GRM7: variants seen among roughly 807,000 people sequenced by gnomAD.
The protein encoded by GRM7 is glutamate metabotropic receptor 7.
In GRM7, 35 loss-of-function variants were observed where a neutral mutation model predicts 84.5. That is an observed-to-expected ratio of 0.41 (90% CI 0.32 to 0.55). The LOEUF is 0.55. Among genes scored for constraint, GRM7 ranks in the 20% least tolerant of loss-of-function variants. The probability of loss-of-function intolerance (pLI) is 0.19; values close to 1 mark genes in which losing one functional copy is unlikely to be tolerated. For synonymous variants in GRM7, 487 were observed against 455.1 expected, an observed-to-expected ratio of 1.07 and a Z score of -0.89; for missense variants, 1,003 against 1,194.6, an observed-to-expected ratio of 0.84 and a Z score of 2.36.
intron 9 of GRM7, among the ~76,000 whole-genome samples, chr3:7,689,126 G>A (rs746987702): frequency 3.3e-5 from 5 of 152,146 alleles, no homozygotes; most frequent in Admixed American, 1.3e-4. Context: ...TTTGTTAGGA[G>A]GTAAATTTTC....
chr3:7,534,866 A>G (rs1049773882), intron 7 of GRM7, among the ~76,000 whole-genome samples: 3 of 152,122 alleles, frequency 2.0e-5, no homozygotes, highest in African/African-American at 7.2e-5. Context: ...GCTATTAAGG[A>G]AATGCATTTT....
At position 6,950,163 on chromosome 3, in the gene GRM7, G is replaced by T. The variant is rs538705246; in HGVS notation, c.519+88256G>T. Among the ~76,000 whole-genome samples the T allele has an allele frequency of 3.3e-5, 5 of 152,214 alleles. No individual in the cohort carries two copies. In the South Asian group the frequency reaches 1.0e-3, roughly 32 times the overall value. ...TTAGAGTTTCCAGTTTTTCTGCTCT[G>T]TTTTTTCCCCATCTTTGTGGTTTTT... On this transcript the variant is annotated intron_variant, in intron 1 of 9. Transcript: ENST00000357716.
At chr3:7,551,584 AAATATAACATATT>A (rs1172031392) in intron 7 of GRM7, among the ~76,000 whole-genome samples, 1 of 150,480 alleles carries the variant, frequency 6.6e-6, no homozygotes, top group Non-Finnish European at 1.5e-5. Flanking sequence ...TTGTTGTAAT[AAATATAACATATT>A]AATATATAAA....
chr3:7,365,425 A>G (rs1175690014), intron 4 of GRM7, among the ~76,000 whole-genome samples: 2 of 151,546 alleles, frequency 1.3e-5, no homozygotes, highest in South Asian at 4.1e-4. Context: ...TCTGTTTACC[A>G]CTTTGTGCTA....
intron 7 of GRM7, among the ~76,000 whole-genome samples, chr3:7,556,199 C>G (rs1403508175): frequency 6.6e-6 from 1 of 152,050 alleles, no homozygotes; most frequent in Non-Finnish European, 1.5e-5. Context: ...CTCTCTTGGG[C>G]CTTTTGTAAT....
chr3:7,011,694 C>A (rs559820402), intron 1 of GRM7, among the ~76,000 whole-genome samples: 1 of 152,210 alleles, frequency 6.6e-6, no homozygotes, highest in African/African-American at 2.4e-5. Context: ...AATTGACTAA[C>A]AATTGAAGGC....
intron 1 of GRM7, among the ~76,000 whole-genome samples, chr3:6,991,139 G>A (rs1048058357): frequency 6.6e-6 from 1 of 152,054 alleles, no homozygotes; most frequent in Non-Finnish European, 1.5e-5. Flanking sequence ...TGCACCCTTA[G>A]TTTACTCCCA....
chr3:7,547,157 A>G (rs558389718), intron 7 of GRM7, among the ~76,000 whole-genome samples: 2 of 148,514 alleles, frequency 1.3e-5, no homozygotes, highest in East Asian at 4.1e-4. Flanking sequence ...GCCCCGGCAC[A>G]GTGGCCTTTC....
chr3:7,051,623 T>C (rs1450417070), intron 1 of GRM7, among the ~76,000 whole-genome samples: 1 of 151,806 alleles, frequency 6.6e-6, no homozygotes, highest in Non-Finnish European at 1.5e-5. Context: ...TCCAAAGGAA[T>C]TGGTAACCAG....
At chr3:7,648,221 CTAT>C (rs900907315) in intron 8 of GRM7, among the ~76,000 whole-genome samples, 1 of 147,796 alleles carries the variant, frequency 6.8e-6, no homozygotes, top group Non-Finnish European at 1.5e-5. Context: ...CTTAATATGG[CTAT>C]TATTTTAATT....
Position 7,572,927 on chromosome 3 carries a change from A to T in GRM7, c.1516-5495A>T, listed in dbSNP as rs567315637. ...AATTCTTTCTATGTGGAGTACATTT[A>T]AAAAAGGTTGACTTTTATAAGTTTT... is the stretch of plus-strand genomic sequence containing the variant. On this transcript the variant is annotated intron_variant, in intron 7 of 9. Coordinates refer to ENST00000357716, the MANE Select transcript of GRM7 (RefSeq NM_000844.4). 1.9e-3 allele frequency among the ~76,000 whole-genome samples: 262 copies of T among 134,822 alleles called. 12 individuals are homozygous for T. The highest frequency in any genetic ancestry group is 6.8e-3 in the African/African-American group (247 of 36,524). 88.4% of individuals were successfully genotyped at this position (134,822 alleles called of 152,430 possible).
At chr3:7,711,537 T>C (rs1166671736) in intron 9 of GRM7, among the ~76,000 whole-genome samples, 1 of 152,150 alleles carries the variant, frequency 6.6e-6, no homozygotes, top group Admixed American at 6.5e-5. Flanking sequence ...AGGGAAGCCA[T>C]TGGAGTCTCG....
chr3:7,161,422 GA>G (rs75862127), intron 2 of GRM7, among the ~76,000 whole-genome samples: 82,861 of 134,614 alleles, frequency 0.62, 25,718 homozygotes, highest in African/African-American at 0.84. Flanking sequence ...GTAATGACCT[GA>G]AAAAAAAAAA....
chr3:7,690,820 C>T (rs1700773065), intron 9 of GRM7, among the ~76,000 whole-genome samples: 1 of 152,156 alleles, frequency 6.6e-6, no homozygotes, highest in Admixed American at 6.5e-5. Flanking sequence ...CTGTTGAGTG[C>T]ATTTCCTTAG....
At chr3:7,258,504 C>T (rs182101151) in intron 2 of GRM7, among the ~76,000 whole-genome samples, 206 of 152,302 alleles carry the variant, frequency 1.4e-3, no homozygotes, top group African/African-American at 4.3e-3. Context: ...GATACACATC[C>T]GTCTAAAAGT....
At chr3:7,173,802 A>T (rs1695060944) in intron 2 of GRM7, among the ~76,000 whole-genome samples, 1 of 152,166 alleles carries the variant, frequency 6.6e-6, no homozygotes, top group African/African-American at 2.4e-5. Flanking sequence ...CTCCTCCCCC[A>T]GAATGAGATA....
intron 7 of GRM7, among the ~76,000 whole-genome samples, chr3:7,554,085 C>T (rs114664110): frequency 0.011 from 1,705 of 152,204 alleles, 12 homozygotes; most frequent in African/African-American, 0.014. Context: ...AAAGCTATGA[C>T]GAAGCTATGC....
At chr3:7,448,219 T>C (rs992768243) in intron 5 of GRM7, among the ~76,000 whole-genome samples, 1 of 151,440 alleles carries the variant, frequency 6.6e-6, no homozygotes, top group Non-Finnish European at 1.5e-5. Context: ...TACATGTGCA[T>C]GTGTCTTTAT....
At chr3:7,261,262 C>T (rs1183969321) in intron 2 of GRM7, among the ~76,000 whole-genome samples, 1 of 152,202 alleles carries the variant, frequency 6.6e-6, no homozygotes, top group Non-Finnish European at 1.5e-5. Context: ...TTAAACCTTC[C>T]TGTATCATTG....
Sources: gnomAD v4.1 joint callset for allele counts (sites outside exome capture counted in the v4.1 genomes callset) on GRCh38, gnomAD v4.1.1 for gene constraint, MANE v1.5 for transcripts, NCBI Gene and HGNC (gene_info 2026-07-23, HGNC 2026-07-21) for gene names.